The following SSX2IP variants were observed in gnomAD, a reference collection of about 807,000 sequenced individuals.
SSX2IP encodes the protein afadin- and alpha-actinin-binding protein.
In SSX2IP, 55 loss-of-function variants were observed where a neutral mutation model predicts 84.9. That is an observed-to-expected ratio of 0.65 (90% CI 0.52 to 0.81). The LOEUF (loss-of-function observed/expected upper bound fraction) is 0.81, where lower values mean the gene tolerates loss of function less well. Ranked by LOEUF, SSX2IP falls within the 30% of genes least tolerant of loss-of-function variation. SSX2IP has a pLI of 0.00. For missense variants in SSX2IP, 664 were observed against 705.2 expected (o/e 0.94, Z 0.66); for synonymous variants, 239 against 234.7 (o/e 1.02, Z -0.17).
chr1:84,658,041 A>C (rs1160739425), intron 9 of SSX2IP, among the ~76,000 whole-genome samples: 1 of 152,180 alleles, frequency 6.6e-6, no homozygotes, highest in Non-Finnish European at 1.5e-5. Flanking sequence ...AGGCTGAGGC[A>C]GGAGAAATAA....
intron 1 of SSX2IP, among the ~76,000 whole-genome samples, chr1:84,678,870 G>A (rs1654715945): frequency 1.3e-5 from 2 of 152,098 alleles, no homozygotes; most frequent in South Asian, 4.2e-4. Context: ...ACTTGAGAAG[G>A]TACAATTGCC....
chr1:84,651,192 C>T (rs1274826847), intron 12 of SSX2IP, among the ~76,000 whole-genome samples: 1 of 152,026 alleles, frequency 6.6e-6, no homozygotes, highest in African/African-American at 2.4e-5. Context: ...TGGTGTGTGC[C>T]TATAGTCTCA....
At position 84,662,182 on chromosome 1, in the gene SSX2IP, G is replaced by T. The variant is rs201552951; in HGVS notation, c.927+16C>A. 3.3e-6 allele frequency: 5 copies of T among 1,531,194 alleles called. No individual in the cohort carries two copies. The Admixed American group carries it at 1.0e-4, about 32-fold the overall frequency. 94.9% of individuals were successfully genotyped at this position (1,531,194 alleles called of 1,614,324 possible). A position where few individuals can be genotyped will look rare whatever the true frequency, so the allele number is the denominator to read the frequency against. ...AGCAATCTGAAGACTGTATTAGAGA[G>T]GAAAGAGCCACTTACAGTTCCTGTA... On this transcript the variant is annotated intron_variant, in intron 8 of 13. Transcript: ENST00000342203.
At chr1:84,658,603 TG>T in intron 8 of SSX2IP, 135 bp from the exon 9 acceptor site, 1 of 984,192 alleles carries the variant, frequency 1.0e-6, no homozygotes, top group Non-Finnish European at 1.4e-6. Flanking sequence ...TATGCATATA[TG>T]GCCCAGTATT....
chr1:84,686,170 CT>C (rs139770972), intron 1 of SSX2IP, among the ~76,000 whole-genome samples: 6 of 151,792 alleles, frequency 4.0e-5, no homozygotes, highest in Non-Finnish European at 8.8e-5. Flanking sequence ...TACTTTTTTG[CT>C]TTTTATCTTA....
At chr1:84,652,606 T>C (rs1295718978) in intron 11 of SSX2IP, among the ~76,000 whole-genome samples, 1 of 151,924 alleles carries the variant, frequency 6.6e-6, no homozygotes, top group African/African-American at 2.4e-5. Context: ...GGCGTGCGCC[T>C]GTAGTCCCAG....
intron 3 of SSX2IP, 29 bp from the exon 4 acceptor site, chr1:84,669,922 T>G: frequency 1.3e-6 from 2 of 1,568,826 alleles, no homozygotes; most frequent in Non-Finnish European, 1.7e-6. Context: ...TTCTTAAAGT[T>G]GGTTACAGTT....
intron 1 of SSX2IP, among the ~76,000 whole-genome samples, chr1:84,681,033 G>A (rs1655015889): frequency 1.9e-5 from 2 of 106,510 alleles, no homozygotes; most frequent in South Asian, 3.0e-4. Context: ...CAGTCTTGTT[G>A]GGCAAAAACT....
intron 1 of SSX2IP, among the ~76,000 whole-genome samples, chr1:84,675,108 A>G (rs1413286600): frequency 6.6e-6 from 1 of 152,234 alleles, no homozygotes; most frequent in Non-Finnish European, 1.5e-5. Context: ...TTTTGCATAA[A>G]TATAATACCA....
In SSX2IP at chr1:84,647,562, A is replaced by T. The variant is rs774487302; in HGVS notation, c.1716T>A (p.Asn572Lys). Residue 572 changes from asparagine (N) to lysine (K), a missense_variant, in exon 14 of 14, where the codon AAT becomes AAA. Physicochemically the swap from Asn to Lys is moderately conservative, Grantham distance 94. Coordinates refer to ENST00000342203, the MANE Select transcript of SSX2IP (RefSeq NM_001166293.2). ...LNITAEEIKP[N>K]QVGGECTNQK... The stretch of plus-strand genomic sequence containing the variant: ...GATTTGTACATTCTCCTCCAACCTG[A>T]TTTGGTTTAATTTCTTCAGCAGTTA... 6 of 1,611,786 alleles carry T rather than the reference A, an allele frequency of 3.7e-6. No homozygotes were observed. In the Admixed American group the frequency reaches 8.4e-5, roughly 22 times the overall value.
In SSX2IP at chr1:84,658,395, A is replaced by T; in HGVS notation, c.1001T>A (p.Val334Glu). The change falls in exon 9 of 14, where the codon GTG (valine) becomes GAG (glutamate). Residue 334 changes from valine to glutamate, a missense_variant. Physicochemically the swap from Val to Glu is moderately radical, Grantham distance 121. Coordinates refer to ENST00000342203, the MANE Select transcript of SSX2IP (RefSeq NM_001166293.2). ...GATGCTGTTTGTAAGCTGCTCTCTC[A>T]CAGTTTCACAGGAAAGGTCCCACAT... ...ESMWDLSCETVREQLTNSIRK... is the reference protein window; with the variant it reads ...ESMWDLSCETEREQLTNSIRK... The T allele has an allele frequency of 1.2e-6, 2 of 1,614,056 alleles. No homozygotes were observed. The highest frequency in any genetic ancestry group is 2.2e-5 in the East Asian group (1 of 44,858).
At chr1:84,687,108 C>A (rs1186880675) in intron 1 of SSX2IP, among the ~76,000 whole-genome samples, 1 of 152,174 alleles carries the variant, frequency 6.6e-6, no homozygotes, top group Non-Finnish European at 1.5e-5. Flanking sequence ...TGGATACTAA[C>A]CTATTTTTCT....
At position 84,647,304 on chromosome 1, in the gene SSX2IP, G is replaced by C. The variant is rs1489023646; in HGVS notation, c.*129C>G. 20 of 711,290 alleles carry C rather than the reference G, an allele frequency of 2.8e-5. No homozygotes were observed. Among genetic ancestry groups the C allele is most frequent in the Admixed American group, 2.1e-4 (7 of 32,936 alleles). The allele number at this position is 711,290 out of a possible 1,614,324, so 44.1% of individuals were successfully genotyped here. A position where few individuals can be genotyped will look rare whatever the true frequency, so the allele number is the denominator to read the frequency against. The stretch of plus-strand genomic sequence containing the variant: ...GATTTCAACTCTTTGGGGGAAGACA[G>C]GGAAGTCCAAACAAACAACTCAGAC... On this transcript the variant is annotated 3_prime_UTR_variant, in exon 14 of 14. Transcript: ENST00000342203.
chr1:84,671,954 T>C (rs1430052467), intron 1 of SSX2IP, among the ~76,000 whole-genome samples: 2 of 152,224 alleles, frequency 1.3e-5, no homozygotes, highest in Non-Finnish European at 2.9e-5. Flanking sequence ...AAAAATAATG[T>C]GTTTATGTTT....
intron 1 of SSX2IP, among the ~76,000 whole-genome samples, chr1:84,681,424 C>T (rs952364163): frequency 2.0e-5 from 3 of 152,140 alleles, no homozygotes; most frequent in Non-Finnish European, 4.4e-5. Context: ...TTAATTAGAA[C>T]AGTATGATCA....
chr1:84,672,375 T>G (rs750514894), intron 1 of SSX2IP, among the ~76,000 whole-genome samples: 14 of 151,670 alleles, frequency 9.2e-5, no homozygotes, highest in Non-Finnish European at 1.9e-4. Flanking sequence ...AATTTTTATG[T>G]GAAGTCTCCC....
intron 1 of SSX2IP, among the ~76,000 whole-genome samples, chr1:84,677,681 T>A (rs1229385896): frequency 2.0e-5 from 3 of 152,198 alleles, no homozygotes; most frequent in Non-Finnish European, 4.4e-5. Flanking sequence ...TGTTGCCCTC[T>A]TAAATCCCTC....
At chr1:84,648,927 T>C (rs1570547174) in intron 13 of SSX2IP, among the ~76,000 whole-genome samples, 1 of 152,250 alleles carries the variant, frequency 6.6e-6, no homozygotes, top group Non-Finnish European at 1.5e-5. Context: ...TCGTTTCCAC[T>C]CCAATAGTGC....
chr1:84,649,765 G>A, intron 13 of SSX2IP: 1 of 330,514 alleles, frequency 3.0e-6, no homozygotes. Context: ...TGGCACTGAA[G>A]CAGAGTATTG....
Sources: gnomAD v4.1 joint callset for allele counts (sites outside exome capture counted in the v4.1 genomes callset) on GRCh38, gnomAD v4.1.1 for gene constraint, MANE v1.5 for transcripts, NCBI Gene and HGNC (gene_info 2026-07-23, HGNC 2026-07-21) for gene names.